Variants in ABCA8 observed in about 807,000 individuals in gnomAD.
ABCA8 encodes ABC-type organic anion transporter ABCA8.
In ABCA8, 177 loss-of-function variants were observed where a neutral mutation model predicts 192.3. The ratio of observed to expected loss-of-function variants is 0.92; its 90% CI spans 0.81 to 1.04. The LOEUF is 1.04. ABCA8 is among the 50% of genes least tolerant of loss of function. The pLI, the probability that ABCA8 is intolerant of heterozygous loss-of-function variation, is 0.00. For missense variants in ABCA8, 1,915 were observed against 1,904.8 expected (o/e 1.01, Z -0.10); for synonymous variants, 642 against 690.2 (o/e 0.93, Z 1.09).
Position 68,917,281 on chromosome 17 carries a change from C to A in ABCA8, c.2138+80G>T, listed in dbSNP as rs538607322. ...ACAAAAAATAACAATAATACAAATT[C>A]TTCTTGTGTGTTGTAATGTTTTGCT... is the stretch of plus-strand genomic sequence containing the variant. On this transcript the variant is annotated intron_variant, in intron 17 of 39. Transcript: ENST00000586539. The A allele has an allele frequency of 9.4e-5, 78 of 832,244 alleles. 1 individual carries two copies. In the South Asian group the frequency reaches 1.2e-3, roughly 13 times the overall value. The allele number at this position is 832,244 out of a possible 1,614,324, so 51.6% of individuals were successfully genotyped here.
chr17:68,888,823 C>T (rs1318844365), intron 24 of ABCA8, among the ~76,000 whole-genome samples: 3 of 151,956 alleles, frequency 2.0e-5, no homozygotes, highest in Middle Eastern at 3.2e-3. Context: ...AGAGGGGATT[C>T]GAAGCCATAG....
At position 68,929,044 on chromosome 17, in the gene ABCA8, C is replaced by G. The variant is rs761396834; in HGVS notation, c.1125+5G>C. The G allele has an allele frequency of 3.4e-6, 5 of 1,486,146 alleles. No individual in the cohort carries two copies. Among genetic ancestry groups the G allele is most frequent in the Non-Finnish European group, 4.5e-6 (5 of 1,111,996 alleles). 92.1% of individuals were successfully genotyped at this position (1,486,146 alleles called of 1,614,324 possible). On this transcript the variant is annotated splice_donor_5th_base_variant and intron_variant, in intron 9 of 39. Transcript: ENST00000586539. ...CCATTAATAGACATTCAGATGGCAT[C>G]TCACCTGGGCCATTCCAAGCATGAA...
intron 5 of ABCA8, 87 bp from the exon 6 acceptor site, chr17:68,933,358 G>A: frequency 1.2e-6 from 1 of 818,542 alleles, no homozygotes; most frequent in Non-Finnish European, 1.9e-6. Flanking sequence ...AGCAAACAGT[G>A]GACTTTACAA....
At chr17:68,916,461 G>T (rs915848096) in intron 17 of ABCA8, among the ~76,000 whole-genome samples, 1 of 151,986 alleles carries the variant, frequency 6.6e-6, no homozygotes, top group East Asian at 1.9e-4. Flanking sequence ...ATTATGTACC[G>T]TATGCCTGTA....
rs769081491 is a variant in ABCA8, at chr17:68,940,972, A to G, written c.97-10T>C. On this transcript the variant is annotated splice_polypyrimidine_tract_variant and intron_variant, in intron 3 of 39. Coordinates refer to ENST00000586539, the MANE Select transcript of ABCA8 (RefSeq NM_001288985.2). ...ATGAATTCAGCCATTCCTATATAAT[A>G]CAGGAAAAAAGATAAAGAAAAGTCT... 2 of 1,567,956 alleles carry G rather than the reference A, an allele frequency of 1.3e-6. No homozygotes were observed. Among genetic ancestry groups the G allele is most frequent in the Non-Finnish European group, 8.7e-7 (1 of 1,143,442 alleles).
intron 21 of ABCA8, among the ~76,000 whole-genome samples, chr17:68,895,886 C>T (rs1360265196): frequency 6.6e-6 from 1 of 152,108 alleles, no homozygotes; most frequent in Non-Finnish European, 1.5e-5. Context: ...CCCAAAACAC[C>T]GGGACACAAT....
intron 27 of ABCA8, chr17:68,884,911 G>A (rs762034279): frequency 9.6e-6 from 9 of 934,088 alleles, no homozygotes; most frequent in East Asian, 1.2e-4. Context: ...TTCTAAAGCC[G>A]AGCATATCAA....
intron 13 of ABCA8, among the ~76,000 whole-genome samples, chr17:68,920,256 G>A (rs1036721848): frequency 6.6e-6 from 1 of 152,080 alleles, no homozygotes; most frequent in Admixed American, 6.6e-5. Flanking sequence ...ACTTGATGGG[G>A]GAGGGTTGCA....
In ABCA8 at chr17:68,887,033, G is replaced by C; in HGVS notation, c.3413C>G (p.Ser1138Ter). The C allele has an allele frequency of 6.2e-7, 1 of 1,604,502 alleles. No individual in the cohort carries two copies. The change falls in exon 26 of 40, where the codon TCA (serine) becomes TGA (stop). Residue 1138 changes from serine to a stop codon, truncating the protein, a stop_gained. Transcript: ENST00000586539. LOFTEE classifies it high-confidence loss of function. ...RKGRKNSGIW[S>*]FCFYVVTVFS... ...TATACTTACAACATAGAAACAAAAT[G>C]ACCAAATGCCACTATTTTTTCTCCC...
intron 24 of ABCA8, 36 bp from the exon 25 acceptor site, chr17:68,887,542 C>T (rs1455627619): frequency 1.3e-6 from 2 of 1,544,556 alleles, no homozygotes; most frequent in Admixed American, 2.1e-5. Flanking sequence ...AAGTTTGTGG[C>T]TTAAGAATAT....
At chr17:68,937,841 T>C (rs921565029) in intron 4 of ABCA8, among the ~76,000 whole-genome samples, 1 of 149,318 alleles carries the variant, frequency 6.7e-6, no homozygotes, top group Admixed American at 6.6e-5. Context: ...AAAATAAACT[T>C]AATAACCATT....
chr17:68,894,786 T>C, intron 22 of ABCA8, 94 bp downstream of exon 22: 2 of 1,375,688 alleles, frequency 1.5e-6, no homozygotes, highest in Non-Finnish European at 2.0e-6. Context: ...CAGTATTTGC[T>C]TTTCATTTTT....
At chr17:68,906,363 C>A in intron 18 of ABCA8, among the ~76,000 whole-genome samples, 200 bp from the exon 19 acceptor site, 1 of 151,978 alleles carries the variant, frequency 6.6e-6, no homozygotes, top group East Asian at 1.9e-4. Flanking sequence ...GTGTTACAAC[C>A]CAAATATTAC....
intron 10 of ABCA8, among the ~76,000 whole-genome samples, chr17:68,927,120 G>T (rs115332193): frequency 6.6e-6 from 1 of 152,058 alleles, no homozygotes; most frequent in Non-Finnish European, 1.5e-5. Context: ...TTAGCCAGGC[G>T]TGTGGCACAC....
intron 37 of ABCA8, among the ~76,000 whole-genome samples, chr17:68,870,093 AG>A (rs2143181866): frequency 6.6e-6 from 1 of 152,304 alleles, no homozygotes; most frequent in Non-Finnish European, 1.5e-5. Flanking sequence ...GAACATTCCC[AG>A]GAACAGATAA....
chr17:68,934,720 T>C (rs939511535), intron 5 of ABCA8, among the ~76,000 whole-genome samples: 1 of 152,232 alleles, frequency 6.6e-6, no homozygotes, highest in Admixed American at 6.5e-5. Flanking sequence ...TTATGTGCAC[T>C]TCAACTTTAA....
chr17:68,943,292 TTA>T (rs2068284414), intron 2 of ABCA8, among the ~76,000 whole-genome samples: 2 of 152,318 alleles, frequency 1.3e-5, no homozygotes, highest in South Asian at 4.1e-4. Flanking sequence ...AAGAATTTAT[TTA>T]TGTTTATTAT....
At chr17:68,897,743 G>A (rs1437181889) in intron 21 of ABCA8, among the ~76,000 whole-genome samples, 2 of 152,144 alleles carry the variant, frequency 1.3e-5, no homozygotes, top group Admixed American at 1.3e-4. Context: ...GAGCTCAACA[G>A]TAGATTTGAA....
intron 13 of ABCA8, 154 bp from the exon 14 acceptor site, chr17:68,919,630 T>C (rs537006430): frequency 3.2e-6 from 2 of 631,690 alleles, no homozygotes; most frequent in Admixed American, 6.1e-5. Context: ...ATTCAAAATA[T>C]GTTCTCATCT....
Sources: gnomAD v4.1 joint callset for allele counts (sites outside exome capture counted in the v4.1 genomes callset) on GRCh38, gnomAD v4.1.1 for gene constraint, MANE v1.5 for transcripts, NCBI Gene and HGNC (gene_info 2026-07-23, HGNC 2026-07-21) for gene names.